Variants in TMEM26 observed in about 807,000 individuals in gnomAD.
The protein encoded by TMEM26 is transmembrane protein 26.
In TMEM26, 38 loss-of-function variants were observed where a neutral mutation model predicts 28.8. The observed-to-expected ratio is 1.32, with a 90% CI of 1.02 to 1.73. TMEM26 has a LOEUF of 1.73. TMEM26 is among the 40% of genes most tolerant of loss of function. TMEM26 has a pLI of 0.00. For synonymous variants in TMEM26, 227 were observed against 182.9 expected (o/e 1.24, Z -1.95); for missense variants, 518 against 447.1 (o/e 1.16, Z -1.43).
In TMEM26 at chr10:61,437,470, A is replaced by G. The variant is rs114996086; in HGVS notation, c.192-1222T>C. Among the ~76,000 whole-genome samples the G allele has an allele frequency of 4.8e-3, 733 of 152,332 alleles. 4 individuals are homozygous for G. Among genetic ancestry groups the G allele is most frequent in the African/African-American group, 0.016 (672 of 41,572 alleles). On this transcript the variant is annotated intron_variant, in intron 1 of 5. Coordinates refer to ENST00000399298, the MANE Select transcript of TMEM26 (RefSeq NM_178505.8). ...CTTAAAATGCTGAAATAAGAAAAAT[A>G]ACATACTTTCCACATTTATTTCTTC...
chr10:61,419,566 T>C (rs1839709064), intron 4 of TMEM26, among the ~76,000 whole-genome samples: 1 of 152,046 alleles, frequency 6.6e-6, no homozygotes, highest in Non-Finnish European at 1.5e-5. Context: ...AATTGGACTC[T>C]ACATCTGGAT....
At chr10:61,420,875 A>C (rs2135297083) in intron 4 of TMEM26, among the ~76,000 whole-genome samples, 2 of 152,252 alleles carry the variant, frequency 1.3e-5, no homozygotes, top group South Asian at 4.1e-4. Flanking sequence ...AATGTATGGG[A>C]AATTCAAAGA....
intron 1 of TMEM26, among the ~76,000 whole-genome samples, chr10:61,441,099 A>AT (rs1840085390): frequency 6.6e-6 from 1 of 151,940 alleles, no homozygotes; most frequent in Non-Finnish European, 1.5e-5. Flanking sequence ...TTTCCCAAAT[A>AT]TTTTTGATCT....
rs1839520589 is a variant in TMEM26, at chr10:61,408,290, C to G, written c.*2032G>C. The G allele has an allele frequency of 6.6e-6, 1 of 152,034 alleles. No individual in the cohort carries two copies. 9.4% of individuals were successfully genotyped at this position (152,034 alleles called of 1,614,324 possible). A position where few individuals can be genotyped will look rare whatever the true frequency, so the allele number is the denominator to read the frequency against. ...TGGACAGGCTTTTTATTTCTCAAGC[C>G]CACGAGGAGTCTAATTACAAAATAC... On this transcript the variant is annotated 3_prime_UTR_variant, in exon 6 of 6. Transcript: ENST00000399298.
At position 61,453,337 on chromosome 10, in the gene TMEM26, C is replaced by G. The variant is rs1840327294; in HGVS notation, c.-256G>C. ...CAGACTGCTGGGTTTTCCAGGGAGTCTGGGGCTGCGCTGCCCTGTCTCCAG... is the reference window on the plus strand; with the variant it reads ...CAGACTGCTGGGTTTTCCAGGGAGTGTGGGGCTGCGCTGCCCTGTCTCCAG... On this transcript the variant is annotated 5_prime_UTR_variant, in exon 1 of 6. Transcript: ENST00000399298. The G allele has an allele frequency of 2.2e-6, 1 of 460,866 alleles. No homozygotes were observed. The highest frequency in any genetic ancestry group is 1.9e-5 in the African/African-American group (1 of 51,598). The allele number at this position is 460,866 out of a possible 1,614,324, so 28.5% of individuals were successfully genotyped here.
In TMEM26 at chr10:61,453,374, C is replaced by G. The variant is rs1387219885; in HGVS notation, c.-293G>C. ...TGCCCTGTCTCCAGGGCGTTATTCT[C>G]CAGCGCTGCCCATCCCCCTCCCAAT... On this transcript the variant is annotated 5_prime_UTR_variant, in exon 1 of 6. Coordinates refer to ENST00000399298, the MANE Select transcript of TMEM26 (RefSeq NM_178505.8). 3.3e-6 allele frequency: 1 copy of G among 307,158 alleles called. No individual in the cohort carries two copies. Among genetic ancestry groups the G allele is most frequent in the Non-Finnish European group, 6.2e-6 (1 of 161,120 alleles). 19.0% of individuals were successfully genotyped at this position (307,158 alleles called of 1,614,324 possible). A position where few individuals can be genotyped will look rare whatever the true frequency, so the allele number is the denominator to read the frequency against.
Position 61,410,443 on chromosome 10 carries a change from C to A in TMEM26, c.986G>T (p.Arg329Leu), listed in dbSNP as rs754667749. 1 of 1,614,112 alleles carries A rather than the reference C, an allele frequency of 6.2e-7. No homozygotes were observed. Among genetic ancestry groups the A allele is most frequent in the Non-Finnish European group, 8.5e-7 (1 of 1,180,014 alleles). ...GGGCCCACTCTCAGAGGTCTGTGCC[C>A]GGCAACCATGTTCTCCTTTCAGGCC... Reference protein sequence around the residue: ...SEGLKGEHGCRAQTSESGPSQ... With the variant: ...SEGLKGEHGCLAQTSESGPSQ... Residue 329 changes from arginine to leucine, a missense_variant, in exon 6 of 6, where the codon CGG becomes CTG. Physicochemically the swap from Arg to Leu is moderately radical, Grantham distance 102 (BLOSUM62 -2). Transcript: ENST00000399298.
At chr10:61,420,869 T>C (rs1839734370) in intron 4 of TMEM26, among the ~76,000 whole-genome samples, 1 of 151,976 alleles carries the variant, frequency 6.6e-6, no homozygotes, top group South Asian at 2.1e-4. Context: ...ATGATAAATG[T>C]ATGGGAAATT....
At chr10:61,449,795 G>GC (rs1201950803) in intron 1 of TMEM26, among the ~76,000 whole-genome samples, 1 of 147,430 alleles carries the variant, frequency 6.8e-6, no homozygotes, top group African/African-American at 2.5e-5. Flanking sequence ...TTTCCTTTTC[G>GC]CCTTCCCTTT....
At position 61,410,365 on chromosome 10, in the gene TMEM26, C is replaced by T. The variant is rs1402246505; in HGVS notation, c.1064G>A (p.Arg355Gln). 17 of 1,613,768 alleles carry T rather than the reference C, an allele frequency of 1.1e-5. No homozygotes were observed. The highest frequency in any genetic ancestry group is 3.3e-5 in the South Asian group (3 of 91,068). ...ESKEGLAIPL[R>Q]GSPVTSDDSH... ...GTCGTCGGAGGTGACTGGGGAGCCC[C>T]GCAAAGGAATAGCCAGGCCCTCCTT... Residue 355 changes from arginine to glutamine, a missense_variant, in exon 6 of 6, where the codon CGG becomes CAG. By Grantham distance (43) the Arg-to-Gln change is conservative. Transcript: ENST00000399298.
At chr10:61,449,165 A>G (rs1840233346) in intron 1 of TMEM26, among the ~76,000 whole-genome samples, 1 of 152,226 alleles carries the variant, frequency 6.6e-6, no homozygotes, top group Non-Finnish European at 1.5e-5. Flanking sequence ...AAAAAAAGCA[A>G]ACTCCAGGAG....
At chr10:61,443,239 T>A (rs1226501194) in intron 1 of TMEM26, among the ~76,000 whole-genome samples, 2 of 149,382 alleles carry the variant, frequency 1.3e-5, no homozygotes, top group African/African-American at 5.0e-5. Context: ...GATAACAAGG[T>A]CAGGAGATCG....
At chr10:61,442,654 T>C (rs1840112739) in intron 1 of TMEM26, among the ~76,000 whole-genome samples, 1 of 152,220 alleles carries the variant, frequency 6.6e-6, no homozygotes, top group South Asian at 2.1e-4. Flanking sequence ...ATGTCCTCCG[T>C]AAAATTTCTG....
chr10:61,442,401 G>A (rs146922994), intron 1 of TMEM26, among the ~76,000 whole-genome samples: 1 of 152,112 alleles, frequency 6.6e-6, no homozygotes, highest in African/African-American at 2.4e-5. Flanking sequence ...TAAGCCTATA[G>A]AAGAAAAATT....
chr10:61,449,220 C>G (rs571168337), intron 1 of TMEM26, among the ~76,000 whole-genome samples: 2 of 148,760 alleles, frequency 1.3e-5, no homozygotes, highest in Non-Finnish European at 3.0e-5. Flanking sequence ...GTTGGCTCAC[C>G]CTCTCTATTC....
chr10:61,444,482 C>G (rs1357584488), intron 1 of TMEM26, among the ~76,000 whole-genome samples: 1 of 151,674 alleles, frequency 6.6e-6, no homozygotes, highest in Non-Finnish European at 1.5e-5. Flanking sequence ...AGAATTTTCC[C>G]CCTTTTCTCC....
chr10:61,446,320 C>T (rs1840179724), intron 1 of TMEM26, among the ~76,000 whole-genome samples: 1 of 152,100 alleles, frequency 6.6e-6, no homozygotes, highest in Non-Finnish European at 1.5e-5. Flanking sequence ...ACATTTAAGT[C>T]ACCCTTCTGC....
At chr10:61,428,491 T>C (rs1161617219) in intron 4 of TMEM26, among the ~76,000 whole-genome samples, 2 of 152,146 alleles carry the variant, frequency 1.3e-5, no homozygotes, top group African/African-American at 4.8e-5. Context: ...GACTTCTCCA[T>C]GTCTTCTCTC....
intron 1 of TMEM26, among the ~76,000 whole-genome samples, chr10:61,447,331 C>T (rs1320336881): frequency 1.3e-5 from 2 of 152,162 alleles, no homozygotes; most frequent in East Asian, 1.9e-4. Context: ...AAAGTTCTCC[C>T]GCATTGCTTA....
Sources: gnomAD v4.1 joint callset for allele counts (sites outside exome capture counted in the v4.1 genomes callset) on GRCh38, gnomAD v4.1.1 for gene constraint, MANE v1.5 for transcripts, NCBI Gene and HGNC (gene_info 2026-07-23, HGNC 2026-07-21) for gene names.